Variants in GOLM2 observed in about 807,000 individuals in gnomAD.
GOLM2 encodes golgi membrane protein 2, also known as protein GOLM2.
A neutral mutation model predicts 55.9 loss-of-function variants in GOLM2; 26 were observed. The observed-to-expected ratio is 0.47, with a 90% CI of 0.34 to 0.65. The LOEUF (loss-of-function observed/expected upper bound fraction) is 0.65, where lower values mean the gene tolerates loss of function less well. Among genes scored for constraint, GOLM2 ranks in the 30% least tolerant of loss-of-function variants. GOLM2 has a pLI of 0.01. For missense variants in GOLM2, 486 were observed against 531.8 expected, an observed-to-expected ratio of 0.91 and a Z score of 0.85; for synonymous variants, 165 against 194.6, an observed-to-expected ratio of 0.85 and a Z score of 1.27.
At chr15:44,316,255 G>A (rs1418753053) in intron 1 of GOLM2, among the ~76,000 whole-genome samples, 2 of 152,136 alleles carry the variant, frequency 1.3e-5, no homozygotes, top group African/African-American at 4.8e-5. Context: ...AGAGAGCTGG[G>A]TGTGGTGGCC....
chr15:44,356,564 T>G (rs1025984485), intron 6 of GOLM2, among the ~76,000 whole-genome samples: 4 of 152,176 alleles, frequency 2.6e-5, no homozygotes, highest in Admixed American at 6.5e-5. Flanking sequence ...TTAAATAAAT[T>G]GAATCAATAA....
intron 6 of GOLM2, among the ~76,000 whole-genome samples, chr15:44,347,543 C>A (rs1297357886): frequency 6.6e-6 from 1 of 152,198 alleles, no homozygotes; most frequent in Non-Finnish European, 1.5e-5. Context: ...TCTCTCCCAG[C>A]AGGCAGAACT....
intron 8 of GOLM2, among the ~76,000 whole-genome samples, chr15:44,393,895 G>T (rs2079507722): frequency 6.6e-6 from 1 of 152,106 alleles, no homozygotes; most frequent in Admixed American, 6.5e-5. Context: ...GTTTCACTAT[G>T]TTGGCCAGGC....
intron 8 of GOLM2, among the ~76,000 whole-genome samples, chr15:44,388,712 C>G (rs1225945321): frequency 6.6e-6 from 1 of 152,172 alleles, no homozygotes; most frequent in Non-Finnish European, 1.5e-5. Context: ...CAGGGTCTTG[C>G]TGTGCTGCCG....
chr15:44,328,720 C>A lies in GOLM2; in HGVS notation c.418C>A (p.Gln140Lys). The A allele has an allele frequency of 6.2e-7, 1 of 1,613,084 alleles. No individual in the cohort carries two copies. Reference sequence around the variant, plus strand: ...TGAGCTTCGTCAGGAATTTCTTCGACAAGAAGACCAGCTTCAGGACTATAG... The same window carrying A: ...TGAGCTTCGTCAGGAATTTCTTCGAAAAGAAGACCAGCTTCAGGACTATAG... ...LAELRQEFLR[Q>K]EDQLQDYRKN... Residue 140 changes from glutamine to lysine, a missense_variant, in exon 3 of 10, where the codon CAA becomes AAA. Gln to Lys is a moderately conservative substitution (Grantham distance 53, BLOSUM62 1). Coordinates refer to ENST00000299957, the MANE Select transcript of GOLM2 (RefSeq NM_138423.4).
chr15:44,375,823 A>G (rs926096202), intron 6 of GOLM2, among the ~76,000 whole-genome samples: 1 of 152,200 alleles, frequency 6.6e-6, no homozygotes, highest in African/African-American at 2.4e-5. Flanking sequence ...GTTTATAATG[A>G]TAAATTAAAA....
At chr15:44,316,746 C>T (rs1292097479) in intron 1 of GOLM2, among the ~76,000 whole-genome samples, 1 of 147,810 alleles carries the variant, frequency 6.8e-6, no homozygotes, top group African/African-American at 2.5e-5. Flanking sequence ...CAGAGTGAGA[C>T]TCTGTCTCAA....
At chr15:44,401,305 C>T (rs1352202451) in intron 8 of GOLM2, among the ~76,000 whole-genome samples, 4 of 151,946 alleles carry the variant, frequency 2.6e-5, no homozygotes, top group South Asian at 4.2e-4. Context: ...CACTCTGTCA[C>T]CCAGGCTGAA....
At position 44,344,192 on chromosome 15, in the gene GOLM2, G is replaced by T. The variant is rs954685816; in HGVS notation, c.802+5875G>T. ...AGAGAACTGCTTGAGCCCAGGAGGC[G>T]GAGGCTTCAGTGAGCAGAGATCACA... On this transcript the variant is annotated intron_variant, in intron 6 of 9. Coordinates refer to ENST00000299957, the MANE Select transcript of GOLM2 (RefSeq NM_138423.4). 1.3e-3 allele frequency among the ~76,000 whole-genome samples: 198 copies of T among 151,320 alleles called. 1 individual carries two copies. Among genetic ancestry groups the T allele is most frequent in the African/African-American group, 4.6e-3 (189 of 41,174 alleles).
intron 6 of GOLM2, among the ~76,000 whole-genome samples, chr15:44,353,317 G>A (rs1439470403): frequency 6.6e-6 from 1 of 152,312 alleles, no homozygotes; most frequent in Middle Eastern, 3.4e-3. Flanking sequence ...CCACTATGAA[G>A]AACAGTTTGG....
chr15:44,323,135 T>A (rs2078962226), intron 2 of GOLM2, 116 bp downstream of exon 2: 3 of 616,318 alleles, frequency 4.9e-6, no homozygotes, highest in Non-Finnish European at 5.6e-6. Flanking sequence ...AACAAACTCC[T>A]CTGATGGTAA....
chr15:44,392,196 C>A (rs2079495228), intron 8 of GOLM2, among the ~76,000 whole-genome samples: 1 of 151,880 alleles, frequency 6.6e-6, no homozygotes. Flanking sequence ...GTAACATAAA[C>A]TTTCAGAGAA....
At chr15:44,364,133 T>C (rs2141175802) in intron 6 of GOLM2, among the ~76,000 whole-genome samples, 1 of 152,230 alleles carries the variant, frequency 6.6e-6, no homozygotes. Context: ...GCATGTCACA[T>C]GTATATGTAT....
At chr15:44,302,074 G>T (rs185713553) in intron 1 of GOLM2, among the ~76,000 whole-genome samples, 1 of 152,160 alleles carries the variant, frequency 6.6e-6, no homozygotes, top group Admixed American at 6.5e-5. Flanking sequence ...ACTGGATTCA[G>T]ATTGTGAAAA....
chr15:44,383,173 G>C (rs1330277314), intron 8 of GOLM2, among the ~76,000 whole-genome samples: 1 of 151,072 alleles, frequency 6.6e-6, no homozygotes, highest in Non-Finnish European at 1.5e-5. Context: ...ATTGTGCTTA[G>C]GCAATAATAA....
At chr15:44,346,847 A>G (rs2079128065) in intron 6 of GOLM2, among the ~76,000 whole-genome samples, 1 of 152,156 alleles carries the variant, frequency 6.6e-6, no homozygotes, top group South Asian at 2.1e-4. Context: ...AATTAAAGAG[A>G]GGCTAGGTGT....
chr15:44,336,526 C>T (rs1267519459), intron 4 of GOLM2, among the ~76,000 whole-genome samples: 1 of 152,202 alleles, frequency 6.6e-6, no homozygotes. Flanking sequence ...AGACACGATG[C>T]AAATATTTAT....
intron 8 of GOLM2, among the ~76,000 whole-genome samples, chr15:44,394,625 C>T (rs1229548552): frequency 6.6e-6 from 1 of 152,136 alleles, no homozygotes; most frequent in Non-Finnish European, 1.5e-5. Flanking sequence ...AATTCAAAAG[C>T]CAGTCAATAG....
intron 6 of GOLM2, among the ~76,000 whole-genome samples, chr15:44,378,056 TTTA>T (rs2079376314): frequency 6.7e-6 from 1 of 150,028 alleles, no homozygotes; most frequent in African/African-American, 2.4e-5. Context: ...TATTTATTTA[TTTA>T]TTTTTTTGAG....
Sources: allele counts gnomAD v4.1 joint callset (sites outside exome capture counted in the v4.1 genomes callset), GRCh38; gene constraint gnomAD v4.1.1; transcripts MANE v1.5; gene names NCBI Gene and HGNC (gene_info 2026-07-23, HGNC 2026-07-21).